The following HTT variants were observed in gnomAD, a reference collection of about 807,000 sequenced individuals.
HTT encodes huntington disease protein.
Under a neutral mutation model 362.3 loss-of-function variants are expected in HTT, and 104 were observed. That is an observed-to-expected ratio of 0.29 (90% CI 0.24 to 0.34). HTT has a LOEUF of 0.34. Among genes scored for constraint, HTT ranks in the 10% least tolerant of loss-of-function variants. The pLI is 1.00. For synonymous variants in HTT, 1,577 were observed against 1,548.7 expected (o/e 1.02, Z -0.43); for missense variants, 3,301 against 3,928.6 (o/e 0.84, Z 4.27).
intron 65 of HTT, 94 bp from the exon 66 acceptor site, chr4:3,238,724 C>A: frequency 1.5e-6 from 2 of 1,318,468 alleles, no homozygotes; most frequent in Non-Finnish European, 2.1e-6. Flanking sequence ...AGCAGCAATG[C>A]CTCTGGCCCC....
At chr4:3,167,006 A>T (rs1015697597) in intron 29 of HTT, among the ~76,000 whole-genome samples, 1 of 152,132 alleles carries the variant, frequency 6.6e-6, no homozygotes, top group Non-Finnish European at 1.5e-5. Flanking sequence ...TGCAGAAATC[A>T]CCTGTCTTCT....
chr4:3,157,991 TG>T (rs1306587261), intron 28 of HTT, among the ~76,000 whole-genome samples: 165 of 150,108 alleles, frequency 1.1e-3, no homozygotes, highest in Middle Eastern at 3.4e-3. Flanking sequence ...GAAGCATCCT[TG>T]TTTTTTTTTT....
intron 41 of HTT, among the ~76,000 whole-genome samples, chr4:3,200,973 A>G (rs969258424): frequency 5.9e-5 from 9 of 152,228 alleles, no homozygotes; most frequent in Admixed American, 3.3e-4. Context: ...GCTTACTCTG[A>G]TGTTATATCA....
At chr4:3,184,265 GC>G (rs1718654736) in intron 37 of HTT, among the ~76,000 whole-genome samples, 1 of 152,070 alleles carries the variant, frequency 6.6e-6, no homozygotes, top group African/African-American at 2.4e-5. Context: ...AAAGGCCCTG[GC>G]GGGGGGCGGA....
Position 3,129,952 on chromosome 4 carries a change from T to C in HTT, c.1772T>C (p.Leu591Ser), listed in dbSNP as rs533978894. ...IVLDGTDNQY[L>S]GLQIGQPQDE... ...TTAGACGGTACCGACAACCAGTATTTGGGCCTGCAGATTGGACAGCCCCAG... is the reference window on the plus strand; with the variant it reads ...TTAGACGGTACCGACAACCAGTATTCGGGCCTGCAGATTGGACAGCCCCAG... The change falls in exon 13 of 67, where the codon TTG becomes TCG. Residue 591 changes from leucine to serine, a missense_variant. Physicochemically the swap from Leu to Ser is moderately radical, Grantham distance 145. Transcript: ENST00000355072. 4.3e-6 allele frequency: 7 copies of C among 1,614,150 alleles called. No homozygotes were observed. In the African/African-American group the frequency reaches 8.0e-5, roughly 18 times the overall value.
At chr4:3,177,809 T>C (rs994777537) in intron 34 of HTT, among the ~76,000 whole-genome samples, 2 of 152,260 alleles carry the variant, frequency 1.3e-5, no homozygotes, top group Non-Finnish European at 2.9e-5. Context: ...GCTAGTCCAT[T>C]ACAGGTTTAT....
At chr4:3,118,627 A>G (rs1391447932) in intron 8 of HTT, among the ~76,000 whole-genome samples, 1 of 152,216 alleles carries the variant, frequency 6.6e-6, no homozygotes, top group African/African-American at 2.4e-5. Context: ...GATTAGCAAG[A>G]GTGCTGGTTA....
rs1443396391 is a variant in HTT at position 3,241,791 on chromosome 4, C to T, written c.*1732C>T. The T allele has an allele frequency of 7.0e-6, 1 of 142,158 alleles. No individual in the cohort carries two copies. Among genetic ancestry groups the T allele is most frequent in the Admixed American group, 6.8e-5 (1 of 14,710 alleles). 8.8% of individuals were successfully genotyped at this position (142,158 alleles called of 1,614,324 possible). A position where few individuals can be genotyped will look rare whatever the true frequency, so the allele number is the denominator to read the frequency against. On this transcript the variant is annotated 3_prime_UTR_variant, in exon 67 of 67. Transcript: ENST00000355072. ...CTCCTCTGAGCAGCCTCTGCCAGGC[C>T]TGTATGAGGCTTTTCCCACCAGCTC...
intron 16 of HTT, 37 bp downstream of exon 16, chr4:3,131,812 A>C (rs1317542559): frequency 6.3e-7 from 1 of 1,583,002 alleles, no homozygotes; most frequent in Non-Finnish European, 8.6e-7. Flanking sequence ...TCTCAGATTT[A>C]ATCATTATTG....
intron 29 of HTT, among the ~76,000 whole-genome samples, chr4:3,167,197 G>A (rs1449233952): frequency 6.6e-6 from 1 of 152,124 alleles, no homozygotes; most frequent in Non-Finnish European, 1.5e-5. Flanking sequence ...TCAGCCTCCG[G>A]AGTAGCTGGG....
intron 1 of HTT, among the ~76,000 whole-genome samples, chr4:3,086,696 TG>T (rs1649400657): frequency 6.6e-6 from 1 of 151,902 alleles, no homozygotes; most frequent in South Asian, 2.1e-4. Flanking sequence ...TAAAGTAAAA[TG>T]GGGGAAATGA....
chr4:3,235,092 CAG>C (rs1479350593), intron 61 of HTT, among the ~76,000 whole-genome samples, 190 bp from the exon 62 acceptor site: 17 of 152,120 alleles, frequency 1.1e-4, no homozygotes, highest in African/African-American at 4.8e-5. Context: ...CTCAGCCACT[CAG>C]GGAGTGGTCA....
chr4:3,216,317 A>G (rs1434861696), intron 51 of HTT, among the ~76,000 whole-genome samples: 1 of 152,078 alleles, frequency 6.6e-6, no homozygotes, highest in Non-Finnish European at 1.5e-5. Flanking sequence ...TGATTTCATG[A>G]TTTCTTGTTG....
Position 3,199,726 on chromosome 4 carries a change from T to C in HTT, c.5369-6T>C, listed in dbSNP as rs1246855215. The C allele has an allele frequency of 2.5e-6, 4 of 1,613,068 alleles. No homozygotes were observed. The Admixed American group carries it at 5.0e-5, about 20-fold the overall frequency. On this transcript the variant is annotated splice_region_variant and splice_polypyrimidine_tract_variant and intron_variant, in intron 40 of 66. Coordinates refer to ENST00000355072, the MANE Select transcript of HTT (RefSeq NM_001388492.1). ...CAAAGACATTTCTCCTTAACTTTGT[T>C]TCTAGGAATGTTCCGGAGAATCACA...
rs1012575761 is a variant in HTT, at chr4:3,189,864, A to G, written c.5368+771A>G. ...ACATGGTAGGACCCCATCTGTACAA[A>G]CAAACTAGCCGGGGATAGTGGTGTG... On this transcript the variant is annotated intron_variant, in intron 40 of 66. Transcript: ENST00000355072. 2.0e-4 allele frequency among the ~76,000 whole-genome samples: 30 copies of G among 152,292 alleles called. 1 individual carries two copies. Among genetic ancestry groups the G allele is most frequent in the Admixed American group, 1.5e-3 (23 of 15,294 alleles).
rs1720544448 is a variant in HTT at position 3,218,915 on chromosome 4, A to T, written c.7242+963A>T. On this transcript the variant is annotated intron_variant, in intron 52 of 66. Coordinates refer to ENST00000355072, the MANE Select transcript of HTT (RefSeq NM_001388492.1). This position sits in a 1 kb window ranked among gnomAD's most constrained non-coding sequence, Gnocchi z 4.4. ...CAGGGAAGAGGCTTGTGGCTGCCTGAGAAGGGTGCGTGCCTGCCTGTGTGT... is the reference window on the plus strand; with the variant it reads ...CAGGGAAGAGGCTTGTGGCTGCCTGTGAAGGGTGCGTGCCTGCCTGTGTGT... Among the ~76,000 whole-genome samples the T allele has an allele frequency of 6.6e-6, 1 of 152,132 alleles. No homozygotes were observed. Among genetic ancestry groups the T allele is most frequent in the African/African-American group, 2.4e-5 (1 of 41,436 alleles).
At chr4:3,108,805 G>A (rs1714571522) in intron 6 of HTT, among the ~76,000 whole-genome samples, 1 of 152,070 alleles carries the variant, frequency 6.6e-6, no homozygotes, top group African/African-American at 2.4e-5. Context: ...TAGCTACTTG[G>A]GAGGCTGAGG....
intron 29 of HTT, among the ~76,000 whole-genome samples, chr4:3,168,971 T>C (rs979172615): frequency 3.9e-5 from 6 of 152,040 alleles, no homozygotes; most frequent in African/African-American, 1.2e-4. Flanking sequence ...TGTGGCTTCA[T>C]AGTATTTTTA....
chr4:3,083,700 C>T (rs61792477), intron 1 of HTT, among the ~76,000 whole-genome samples: 22,750 of 151,956 alleles, frequency 0.15, 2,625 homozygotes, highest in African/African-American at 0.33. Flanking sequence ...TAATATAGTA[C>T]GGCCACTCTG....
Sources: allele counts gnomAD v4.1 joint callset (sites outside exome capture counted in the v4.1 genomes callset), GRCh38; gene constraint gnomAD v4.1.1; non-coding constraint Gnocchi (gnomAD v3.1); transcripts MANE v1.5; gene names NCBI Gene and HGNC (gene_info 2026-07-23, HGNC 2026-07-21).